The following STK32B variants were observed in gnomAD, a reference collection of about 807,000 sequenced individuals.
STK32B encodes the protein serine/threonine-protein kinase 32B.
In STK32B, 43 loss-of-function variants were observed where a neutral mutation model predicts 52.6. That is an observed-to-expected ratio of 0.82 (90% CI 0.64 to 1.05). STK32B has a LOEUF of 1.05. STK32B is among the 50% of genes least tolerant of loss of function. STK32B has a pLI of 0.00. For synonymous variants in STK32B, 238 were observed against 204.3 expected, an observed-to-expected ratio of 1.17 and a Z score of -1.41; for missense variants, 621 against 534.6, an observed-to-expected ratio of 1.16 and a Z score of -1.59.
At chr4:5,155,443 A>C (rs1458712467) in intron 2 of STK32B, among the ~76,000 whole-genome samples, 1 of 152,040 alleles carries the variant, frequency 6.6e-6, no homozygotes, top group Non-Finnish European at 1.5e-5. Flanking sequence ...GCACACACAC[A>C]CTCACATGCA....
intron 2 of STK32B, among the ~76,000 whole-genome samples, chr4:5,167,646 C>T (rs561575879): frequency 4.6e-4 from 70 of 152,310 alleles, no homozygotes; most frequent in African/African-American, 1.4e-3. Flanking sequence ...TTACAAACTC[C>T]GGGAGCCAGT....
chr4:5,271,794 G>C lies in STK32B; in HGVS notation c.261-59426G>C, dbSNP rs912046745. ...GTGAATGGGAGTTCACTCATGATTT[G>C]GCTCTCTGTTTGTCTGTAGTTGGTG... On this transcript the variant is annotated intron_variant, in intron 3 of 11. Transcript: ENST00000282908. Among the ~76,000 whole-genome samples, 3 of 138,924 alleles carry C rather than the reference G, an allele frequency of 2.2e-5. 1 individual carries two copies. Among genetic ancestry groups the C allele is most frequent in the African/African-American group, 6.7e-5 (2 of 29,870 alleles). The allele number at this position is 138,924 out of a possible 152,430, so 91.1% of individuals were successfully genotyped here. A position where few individuals can be genotyped will look rare whatever the true frequency, so the allele number is the denominator to read the frequency against.
At chr4:5,226,600 T>C (rs1441814121) in intron 3 of STK32B, among the ~76,000 whole-genome samples, 1 of 152,232 alleles carries the variant, frequency 6.6e-6, no homozygotes, top group African/African-American at 2.4e-5. Flanking sequence ...AGGAGCAGTC[T>C]TGGTTAGCAG....
rs1043193698 is a variant in STK32B, at chr4:5,321,120, G to A, written c.261-10100G>A. Among the ~76,000 whole-genome samples the A allele has an allele frequency of 3.2e-4, 48 of 152,066 alleles. 1 individual carries two copies. The highest frequency in any genetic ancestry group is 3.0e-3 in the Admixed American group (46 of 15,268). ...AGGGGGTTGGAGCAAAGCTGAGTGCGACTCTAGGCAAGTTACTCAGCTTCT... is the reference window on the plus strand; with the variant it reads ...AGGGGGTTGGAGCAAAGCTGAGTGCAACTCTAGGCAAGTTACTCAGCTTCT... On this transcript the variant is annotated intron_variant, in intron 3 of 11. Transcript: ENST00000282908.
At chr4:5,137,095 C>G (rs1164145681) in intron 1 of STK32B, among the ~76,000 whole-genome samples, 2 of 152,206 alleles carry the variant, frequency 1.3e-5, no homozygotes, top group Non-Finnish European at 2.9e-5. Flanking sequence ...TAACACCTCC[C>G]TCCAGTTAGG....
intron 1 of STK32B, among the ~76,000 whole-genome samples, chr4:5,064,998 TTCCTTC>T (rs1044723011): frequency 5.3e-5 from 8 of 151,740 alleles, no homozygotes; most frequent in African/African-American, 1.9e-4. Flanking sequence ...TTTCTGGCTG[TTCCTTC>T]TCCTTCTTCT....
At chr4:5,346,358 T>C (rs1203290743) in intron 4 of STK32B, among the ~76,000 whole-genome samples, 1 of 152,186 alleles carries the variant, frequency 6.6e-6, no homozygotes, top group Non-Finnish European at 1.5e-5. Flanking sequence ...ACAGTGGCTT[T>C]AGTGGCTTAA....
intron 3 of STK32B, among the ~76,000 whole-genome samples, chr4:5,306,950 G>A (rs922826697): frequency 3.3e-5 from 5 of 152,140 alleles, no homozygotes; most frequent in African/African-American, 9.7e-5. Context: ...TGTTTAAGGA[G>A]GCTAAAGATA....
chr4:5,402,766 A>T, intron 5 of STK32B, among the ~76,000 whole-genome samples: 1 of 152,206 alleles, frequency 6.6e-6, no homozygotes, highest in East Asian at 1.9e-4. Flanking sequence ...AATGTAAACA[A>T]TTGATGATGA....
chr4:5,101,383 G>A (rs1465456738), intron 1 of STK32B, among the ~76,000 whole-genome samples: 1 of 152,166 alleles, frequency 6.6e-6, no homozygotes, highest in African/African-American at 2.4e-5. Context: ...GAAAAGAAAG[G>A]AGAAAGTGGG....
At chr4:5,036,210 A>G in the STK32B span, among the ~76,000 whole-genome samples, 1 of 152,200 alleles carries the variant, frequency 6.6e-6, no homozygotes, top group South Asian at 2.1e-4. Flanking sequence ...ATGTGAAACC[A>G]ATCTGAAAGC....
chr4:5,132,127 G>GGAA (rs1715814064), intron 1 of STK32B, among the ~76,000 whole-genome samples: 2 of 152,158 alleles, frequency 1.3e-5, no homozygotes, highest in African/African-American at 4.8e-5. Flanking sequence ...TGGCTGTGTA[G>GGAA]TATTCCTTGG....
chr4:5,098,628 A>G (rs1713529590), intron 1 of STK32B, among the ~76,000 whole-genome samples: 1 of 152,238 alleles, frequency 6.6e-6, no homozygotes. Flanking sequence ...AGGTGAAATC[A>G]CTACTTAAGG....
chr4:5,392,749 T>C (rs901169309), intron 4 of STK32B, among the ~76,000 whole-genome samples: 5 of 152,198 alleles, frequency 3.3e-5, no homozygotes, highest in African/African-American at 1.2e-4. Flanking sequence ...TAATGACATA[T>C]GGAGTGCCTC....
upstream of STK32B, among the ~76,000 whole-genome samples, chr4:5,046,892 A>C (rs1389006444): frequency 6.6e-6 from 1 of 152,218 alleles, no homozygotes; most frequent in Non-Finnish European, 1.5e-5. Context: ...TGTTGGTGAG[A>C]ATGTAAATTA....
At chr4:5,019,969 G>C in the STK32B span, among the ~76,000 whole-genome samples, 1 of 152,178 alleles carries the variant, frequency 6.6e-6, no homozygotes, top group Non-Finnish European at 1.5e-5. Context: ...CAGGCCACCG[G>C]TGTCCTCGTC....
At chr4:5,267,974 G>C (rs994459351) in intron 3 of STK32B, among the ~76,000 whole-genome samples, 1 of 152,164 alleles carries the variant, frequency 6.6e-6, no homozygotes, top group Admixed American at 6.5e-5. Flanking sequence ...GATGCTTGGG[G>C]CATGCTCTTG....
intron 4 of STK32B, among the ~76,000 whole-genome samples, chr4:5,365,259 T>C (rs1391016380): frequency 6.6e-6 from 1 of 152,206 alleles, no homozygotes; most frequent in Admixed American, 6.5e-5. Context: ...TCACGGAACT[T>C]TGGCATACTT....
At chr4:5,458,338 A>G (rs974118390) in intron 8 of STK32B, among the ~76,000 whole-genome samples, 1 of 152,158 alleles carries the variant, frequency 6.6e-6, no homozygotes. Context: ...AGGAATGATG[A>G]CAATAGCAGC....
Sources: allele counts gnomAD v4.1 joint callset (sites outside exome capture counted in the v4.1 genomes callset), GRCh38; gene constraint gnomAD v4.1.1; transcripts MANE v1.5; gene names NCBI Gene and HGNC (gene_info 2026-07-23, HGNC 2026-07-21).